Variants in LRCH4 observed in about 807,000 individuals in gnomAD.
LRCH4 encodes the protein leucine rich repeats and calponin homology domain containing 4.
Under a neutral mutation model 81.2 loss-of-function variants are expected in LRCH4, and 56 were observed. The ratio of observed to expected loss-of-function variants is 0.69; its 90% confidence interval spans 0.56 to 0.86. LRCH4 has a LOEUF of 0.86. Ranked by LOEUF, LRCH4 falls within the 40% of genes least tolerant of loss-of-function variation. The pLI is 0.00. For missense variants in LRCH4, 895 were observed against 922.8 expected (o/e 0.97, Z 0.39); for synonymous variants, 442 against 409.7 (o/e 1.08, Z -0.95).
At position 100,577,868 on chromosome 7, in the gene LRCH4, C is replaced by A; in HGVS notation, c.993G>T (p.Leu331=). 6.2e-7 allele frequency: 1 copy of A among 1,614,020 alleles called. No homozygotes were observed. Among genetic ancestry groups the A allele is most frequent in the South Asian group, 1.1e-5 (1 of 91,066 alleles). ...CTCTGGGTCCCCGGGGCTCCCGGGC[C>A]AGCTCTGAGATCCGGAATGACAGCT... is the stretch of plus-strand genomic sequence containing the variant. The part of the protein sequence containing the change: ...FSELSFRISE[L]AREPRGPRER... The change falls in exon 8 of 18, where the codon CTG becomes CTT. Residue 331 remains leucine (L), a synonymous_variant. Transcript: ENST00000310300. This position sits in a 1 kb window ranked among gnomAD's most constrained non-coding sequence, Gnocchi z 6.7.
chr7:100,582,237 G>A lies in LRCH4; in HGVS notation c.366-70C>T. 6.2e-7 allele frequency: 1 copy of A among 1,613,398 alleles called. No individual in the cohort carries two copies. Among genetic ancestry groups the A allele is most frequent in the Non-Finnish European group, 8.5e-7 (1 of 1,179,816 alleles). On this transcript the variant is annotated intron_variant, in intron 2 of 17. Transcript: ENST00000310300. This position sits in a 1 kb window ranked among gnomAD's most constrained non-coding sequence, Gnocchi z 5.0. ...ATCCCAGCACTGCCATCCTCTCGGGGTCACTGGGTGGGTCACTCAGTAGTA... is the reference window on the plus strand; with the variant it reads ...ATCCCAGCACTGCCATCCTCTCGGGATCACTGGGTGGGTCACTCAGTAGTA...
At position 100,583,023 on chromosome 7, in the gene LRCH4, G is replaced by A. The variant is rs970520225; in HGVS notation, c.221-564C>T. Among the ~76,000 whole-genome samples, 3 of 152,152 alleles carry A rather than the reference G, an allele frequency of 2.0e-5. No homozygotes were observed. Among genetic ancestry groups the A allele is most frequent in the African/African-American group, 4.8e-5 (2 of 41,438 alleles). ...GTCCCCGACACCGGACGAGTTTTTC[G>A]CCAGCCCCAAGGACCAGCAAGCCAG... On this transcript the variant is annotated intron_variant, in intron 1 of 17. Transcript: ENST00000310300. This position sits in a 1 kb window ranked among gnomAD's most constrained non-coding sequence, Gnocchi z 4.3.
chr7:100,574,853 G>A lies in LRCH4; in HGVS notation c.*254C>T. 2.2e-6 allele frequency: 1 copy of A among 452,970 alleles called. No homozygotes were observed. 28.1% of individuals were successfully genotyped at this position (452,970 alleles called of 1,614,324 possible). A position where few individuals can be genotyped will look rare whatever the true frequency, so the allele number is the denominator to read the frequency against. ...CCCTCACGGGGTACAGAGGGCAGGG[G>A]CAGGGCCGGCGGGGACATGAAGGCA... On this transcript the variant is annotated 3_prime_UTR_variant, in exon 18 of 18. Transcript: ENST00000310300.
Position 100,578,050 on chromosome 7 carries a change from G to A in LRCH4, c.948+109C>T. 1 of 1,320,940 alleles carries A rather than the reference G, an allele frequency of 7.6e-7. No homozygotes were observed. The allele number at this position is 1,320,940 out of a possible 1,614,324, so 81.8% of individuals were successfully genotyped here. A position where few individuals can be genotyped will look rare whatever the true frequency, so the allele number is the denominator to read the frequency against. ...TGGGATGCTGGGCAGAGGGAAGGAAGAGGACAGCTCCAGCCTCTGCCTGGC... is the reference window on the plus strand; with the variant it reads ...TGGGATGCTGGGCAGAGGGAAGGAAAAGGACAGCTCCAGCCTCTGCCTGGC... On this transcript the variant is annotated intron_variant, in intron 7 of 17. Coordinates refer to ENST00000310300, the MANE Select transcript of LRCH4 (RefSeq NM_002319.5). The surrounding 1 kb of genome is among the most constrained non-coding windows in gnomAD (Gnocchi z 5.7).
chr7:100,581,536 T>C (rs1801555997), intron 4 of LRCH4: 3 of 454,466 alleles, frequency 6.6e-6, no homozygotes, highest in Admixed American at 3.9e-5. Flanking sequence ...CCCAGAGGGC[T>C]GTCTCTGCTC....
chr7:100,577,973 G>A lies in LRCH4; in HGVS notation c.949-61C>T. ...TCTGTACATGGGGGCTCAGGACCTGGGGGGTCCTGTGTGGGACTAAGCTCA... is the reference window on the plus strand; with the variant it reads ...TCTGTACATGGGGGCTCAGGACCTGAGGGGTCCTGTGTGGGACTAAGCTCA... On this transcript the variant is annotated intron_variant, in intron 7 of 17. Coordinates refer to ENST00000310300, the MANE Select transcript of LRCH4 (RefSeq NM_002319.5). This position sits in a 1 kb window ranked among gnomAD's most constrained non-coding sequence, Gnocchi z 6.7. The A allele has an allele frequency of 6.9e-7, 1 of 1,439,444 alleles. No individual in the cohort carries two copies. The highest frequency in any genetic ancestry group is 9.7e-7 in the Non-Finnish European group (1 of 1,028,144). 89.2% of individuals were successfully genotyped at this position (1,439,444 alleles called of 1,614,324 possible). A position where few individuals can be genotyped will look rare whatever the true frequency, so the allele number is the denominator to read the frequency against.
At position 100,578,519 on chromosome 7, in the gene LRCH4, C is replaced by T. The variant is rs370226693; in HGVS notation, c.736-8G>A. 7.4e-6 allele frequency: 12 copies of T among 1,610,860 alleles called. No homozygotes were observed. Among genetic ancestry groups the T allele is most frequent in the South Asian group, 2.2e-5 (2 of 90,686 alleles). ...TTTCCCCTTCAGGCAGACCTGTGTG[C>T]GGGGCAGCACACGCCAGGGAGTTGG... On this transcript the variant is annotated splice_polypyrimidine_tract_variant and splice_region_variant and intron_variant, in intron 5 of 17. Coordinates refer to ENST00000310300, the MANE Select transcript of LRCH4 (RefSeq NM_002319.5). This position sits in a 1 kb window ranked among gnomAD's most constrained non-coding sequence, Gnocchi z 5.7.
intron 15 of LRCH4, 109 bp downstream of exon 15, chr7:100,576,129 G>A (rs1801351003): frequency 6.8e-7 from 1 of 1,472,204 alleles, no homozygotes; most frequent in Admixed American, 1.9e-5. Context: ...CCTCAGGGGA[G>A]GTGCCAGAGT....
rs779561244 is a variant in LRCH4 at position 100,577,711 on chromosome 7, T to C, written c.1069A>G (p.Ile357Val). ...ADGDPVQIDF[I>V]DSHVPGEDEE... ...TCCTCCCCGGGGACATGGCTGTCGA[T>C]GAAGTCAATCTGCACAGGGTCTCCG... The change falls in exon 9 of 18, where the codon ATC becomes GTC. Residue 357 changes from isoleucine (I) to valine (V), a missense_variant. Around this residue, in one of 3 missense-constraint regions of LRCH4, gnomAD observed 529 missense variants for 504.9 expected, o/e 1.05. Coordinates refer to ENST00000310300, the MANE Select transcript of LRCH4 (RefSeq NM_002319.5). This position sits in a 1 kb window ranked among gnomAD's most constrained non-coding sequence, Gnocchi z 6.7. The C allele has an allele frequency of 1.2e-6, 2 of 1,613,994 alleles. No homozygotes were observed. Among genetic ancestry groups the C allele is most frequent in the East Asian group, 2.2e-5 (1 of 44,866 alleles).
In LRCH4 at chr7:100,577,942, G is replaced by T; in HGVS notation, c.949-30C>A. ...AAAGGCAGAGGCAGAGATGGGAGAT[G>T]GCCTCTCTGTACATGGGGGCTCAGG... On this transcript the variant is annotated intron_variant, in intron 7 of 17. Transcript: ENST00000310300. This position sits in a 1 kb window ranked among gnomAD's most constrained non-coding sequence, Gnocchi z 6.7. 6.4e-7 allele frequency: 1 copy of T among 1,573,166 alleles called. No individual in the cohort carries two copies. The highest frequency in any genetic ancestry group is 8.7e-7 in the Non-Finnish European group (1 of 1,143,770).
In LRCH4 at chr7:100,575,688, G is replaced by A. The variant is rs1213451266; in HGVS notation, c.1854+17C>T. ...GAGTCCGGCATGCCACCACTCTTTA[G>A]AAAGCAGCCCCCATACCTCAGGCAC... is the stretch of plus-strand genomic sequence containing the variant. On this transcript the variant is annotated intron_variant, in intron 17 of 17. Coordinates refer to ENST00000310300, the MANE Select transcript of LRCH4 (RefSeq NM_002319.5). This position sits in a 1 kb window ranked among gnomAD's most constrained non-coding sequence, Gnocchi z 5.3. 5.0e-6 allele frequency: 8 copies of A among 1,613,934 alleles called. No individual in the cohort carries two copies. Among genetic ancestry groups the A allele is most frequent in the Non-Finnish European group, 5.9e-6 (7 of 1,179,896 alleles).
intron 3 of LRCH4, 33 bp from the exon 4 acceptor site, chr7:100,581,915 G>C (rs976968517): frequency 3.1e-6 from 5 of 1,612,794 alleles, no homozygotes; most frequent in Non-Finnish European, 4.2e-6. Flanking sequence ...AAGGGGCCAT[G>C]AGACCAGGCC....
In LRCH4 at chr7:100,577,408, G is replaced by A. The variant is rs757406795; in HGVS notation, c.1179-19C>T. ...CTCCCGCCTGAGGGACCAAGACAGG[G>A]CAAGAGGGGCAGACCCCGGGGTCAG... On this transcript the variant is annotated intron_variant, in intron 10 of 17. Transcript: ENST00000310300. This position sits in a 1 kb window ranked among gnomAD's most constrained non-coding sequence, Gnocchi z 6.7. 5.6e-6 allele frequency: 9 copies of A among 1,600,164 alleles called. No individual in the cohort carries two copies. Among genetic ancestry groups the A allele is most frequent in the Non-Finnish European group, 7.6e-6 (9 of 1,179,562 alleles).
Position 100,577,205 on chromosome 7 carries a change from C to T in LRCH4, c.1296-51G>A, listed in dbSNP as rs371513153. The stretch of plus-strand genomic sequence containing the variant: ...CTAGCCCCAAGGCAGAACGGCTCAG[C>T]GGGGCTCGGTGGCCCCATTTCCAGG... On this transcript the variant is annotated intron_variant, in intron 11 of 17. Transcript: ENST00000310300. This position sits in a 1 kb window ranked among gnomAD's most constrained non-coding sequence, Gnocchi z 6.7. The T allele has an allele frequency of 6.4e-5, 103 of 1,610,828 alleles. 1 individual carries two copies. The Admixed American group carries it at 9.3e-4, about 15-fold the overall frequency.
In LRCH4 at chr7:100,581,944, C is replaced by T. The variant is rs191961224; in HGVS notation, c.493-62G>A. 98 of 1,609,426 alleles carry T rather than the reference C, an allele frequency of 6.1e-5. No individual in the cohort carries two copies. In the African/African-American group the frequency reaches 1.0e-3, roughly 17 times the overall value. The stretch of plus-strand genomic sequence containing the variant: ...CCAGGCCCAGCAGAACCCACCCTCC[C>T]ATCTCTGTCTTTGCTCCAGGCCCTC... On this transcript the variant is annotated intron_variant, in intron 3 of 17. Coordinates refer to ENST00000310300, the MANE Select transcript of LRCH4 (RefSeq NM_002319.5).
At position 100,575,595 on chromosome 7, in the gene LRCH4, T is replaced by C; in HGVS notation, c.1854+110A>G. 6.0e-6 allele frequency: 8 copies of C among 1,329,516 alleles called. No homozygotes were observed. The highest frequency in any genetic ancestry group is 8.7e-6 in the Non-Finnish European group (8 of 921,974). The allele number at this position is 1,329,516 out of a possible 1,614,324, so 82.4% of individuals were successfully genotyped here. ...CATGCTGGGCAGGGCAGGGGCAGCC[T>C]GTGCCTTCATCTGAGAGCAGACATC... On this transcript the variant is annotated intron_variant, in intron 17 of 17. Coordinates refer to ENST00000310300, the MANE Select transcript of LRCH4 (RefSeq NM_002319.5). This position sits in a 1 kb window ranked among gnomAD's most constrained non-coding sequence, Gnocchi z 5.3.
At chr7:100,576,217 G>C in intron 15 of LRCH4, 21 bp downstream of exon 15, 1 of 1,611,080 alleles carries the variant, frequency 6.2e-7, no homozygotes, top group African/African-American at 1.3e-5. Flanking sequence ...CCCTGCCCAC[G>C]CAGCTCCCGC....
rs777003822 is a variant in LRCH4, at chr7:100,585,857, G to C, written c.220+24C>G. The C allele has an allele frequency of 5.2e-6, 8 of 1,545,098 alleles. No homozygotes were observed. In the Admixed American group the frequency reaches 1.3e-4, roughly 25 times the overall value. On this transcript the variant is annotated intron_variant, in intron 1 of 17. Coordinates refer to ENST00000310300, the MANE Select transcript of LRCH4 (RefSeq NM_002319.5). ...GCTATGCAAATGAGGGACCCGGTTG[G>C]GCCCGGGGCCCGGCTGCACTCACCA...
Position 100,582,119 on chromosome 7 carries a change from CAG to C in LRCH4, c.412_413del (p.Leu138GlufsTer16). 2 of 1,612,904 alleles carry C rather than the reference CAG, an allele frequency of 1.2e-6. No individual in the cohort carries two copies. Among genetic ancestry groups the C allele is most frequent in the Non-Finnish European group, 1.7e-6 (2 of 1,179,904 alleles). On this transcript the variant is annotated frameshift_variant, in exon 3 of 18. Transcript: ENST00000310300. LOFTEE classifies it high-confidence loss of function. The surrounding 1 kb of genome is among the most constrained non-coding windows in gnomAD (Gnocchi z 5.0). ...LLPPYICQLP[L>X]RVLIVSNNKL... ...TGTTGTTGCTGACGATGAGGACCCTCAGGGGCAGCTGGCAGATGTAGGGTGGC... is the reference window on the plus strand; with the variant it reads ...TGTTGTTGCTGACGATGAGGACCCTCGGGCAGCTGGCAGATGTAGGGTGGC...
Sources: gnomAD v4.1 joint callset for allele counts (sites outside exome capture counted in the v4.1 genomes callset) on GRCh38, gnomAD v4.1.1 for gene constraint, gnomAD v4.1.1 regional missense constraint, Gnocchi (gnomAD v3.1) non-coding constraint, MANE v1.5 for transcripts, NCBI Gene and HGNC (gene_info 2026-07-23, HGNC 2026-07-21) for gene names.